SYT17: variants seen among roughly 807,000 people sequenced by gnomAD.
The protein encoded by SYT17 is synaptotagmin-17.
A neutral mutation model predicts 46.7 loss-of-function variants in SYT17; 22 were observed. That is an observed-to-expected ratio of 0.47 (90% CI 0.34 to 0.67). The LOEUF (loss-of-function observed/expected upper bound fraction) is 0.67, where lower values mean the gene tolerates loss of function less well. Ranked by LOEUF, SYT17 falls within the 30% of genes least tolerant of loss-of-function variation. The pLI, the probability that SYT17 is intolerant of heterozygous loss-of-function variation, is 0.01. For synonymous variants in SYT17, 251 were observed against 248.4 expected (o/e 1.01, Z -0.10); for missense variants, 519 against 612.8 (o/e 0.85, Z 1.62).
intron 4 of SYT17, among the ~76,000 whole-genome samples, chr16:19,182,308 G>C (rs1039945685): frequency 2.0e-5 from 3 of 152,048 alleles, no homozygotes; most frequent in Non-Finnish European, 4.4e-5. Context: ...CCAGCTACTT[G>C]AGAGGCTGAG....
chr16:19,245,450 G>T (rs1175706403), intron 7 of SYT17, among the ~76,000 whole-genome samples: 1 of 152,162 alleles, frequency 6.6e-6, no homozygotes, highest in East Asian at 1.9e-4. Context: ...TTGGGGTGAG[G>T]TGGTGATCTC....
At chr16:19,224,942 G>T (rs1966450861) in intron 7 of SYT17, 104 bp downstream of exon 7, 3 of 1,349,136 alleles carry the variant, frequency 2.2e-6, no homozygotes, top group Non-Finnish European at 3.1e-6. Context: ...AGAACGTAAT[G>T]TCTGGCATTC....
chr16:19,241,283 G>C lies in SYT17; in HGVS notation c.1228+16445G>C, dbSNP rs187725449. On this transcript the variant is annotated intron_variant, in intron 7 of 7. Transcript: ENST00000355377. Reference sequence around the variant, plus strand: ...GTTCTGACTTTGCTCCGAGTTAGGAGTGGGTGCTGAAAGCAGGGAGGAGCC... The same window carrying C: ...GTTCTGACTTTGCTCCGAGTTAGGACTGGGTGCTGAAAGCAGGGAGGAGCC... Among the ~76,000 whole-genome samples the C allele has an allele frequency of 6.9e-3, 1,050 of 152,166 alleles. 15 individuals carry two copies. Among genetic ancestry groups the C allele is most frequent in the African/African-American group, 0.023 (944 of 41,534 alleles).
chr16:19,218,031 T>C (rs959600759), intron 5 of SYT17, among the ~76,000 whole-genome samples: 1 of 152,244 alleles, frequency 6.6e-6, no homozygotes, highest in Non-Finnish European at 1.5e-5. Flanking sequence ...GTTTATGATA[T>C]ATGATCTGGA....
chr16:19,221,984 A>G (rs1240239663), intron 5 of SYT17, among the ~76,000 whole-genome samples: 1 of 152,166 alleles, frequency 6.6e-6, no homozygotes, highest in Non-Finnish European at 1.5e-5. Flanking sequence ...TTGAAGCTGA[A>G]TGATGTTTGG....
At chr16:19,238,799 G>T (rs1966889429) in intron 7 of SYT17, among the ~76,000 whole-genome samples, 1 of 152,160 alleles carries the variant, frequency 6.6e-6, no homozygotes, top group African/African-American at 2.4e-5. Flanking sequence ...GTGCCTCGGT[G>T]GTGGCAAGAT....
intron 7 of SYT17, among the ~76,000 whole-genome samples, chr16:19,265,879 G>A (rs1969322293): frequency 6.6e-6 from 1 of 152,228 alleles, no homozygotes; most frequent in Admixed American, 6.5e-5. Context: ...AGCACAACAA[G>A]GGGTGGAAGA....
At position 19,202,913 on chromosome 16, in the gene SYT17, A is replaced by C. The variant is rs187117042; in HGVS notation, c.951+18766A>C. On this transcript the variant is annotated intron_variant, in intron 5 of 7. Transcript: ENST00000355377. Reference sequence around the variant, plus strand: ...GCTAATTTTTTTCTATTTTTTGTAGAGATGGGGTTGCCCAGGCTGATCTCA... The same window carrying C: ...GCTAATTTTTTTCTATTTTTTGTAGCGATGGGGTTGCCCAGGCTGATCTCA... Among the ~76,000 whole-genome samples the C allele has an allele frequency of 4.8e-3, 724 of 152,232 alleles. 6 individuals carry two copies. The highest frequency in any genetic ancestry group is 0.016 in the African/African-American group (678 of 41,536).
At chr16:19,207,942 T>A (rs1028502430) in intron 5 of SYT17, among the ~76,000 whole-genome samples, 2 of 152,028 alleles carry the variant, frequency 1.3e-5, no homozygotes, top group African/African-American at 4.8e-5. Flanking sequence ...AAATGGAGCC[T>A]TACCTCATAA....
intron 7 of SYT17, among the ~76,000 whole-genome samples, chr16:19,247,490 A>T (rs1347371460): frequency 6.6e-6 from 1 of 152,196 alleles, no homozygotes; most frequent in Admixed American, 6.5e-5. Context: ...CGGCCTCCCA[A>T]GGTGCTGCTG....
chr16:19,180,768 ATTAATT>A (rs748783557), intron 4 of SYT17, among the ~76,000 whole-genome samples: 6 of 152,148 alleles, frequency 3.9e-5, no homozygotes, highest in Non-Finnish European at 8.8e-5. Flanking sequence ...TTTTTGCTTT[ATTAATT>A]TTAAGTTTGA....
intron 7 of SYT17, among the ~76,000 whole-genome samples, chr16:19,249,197 C>A (rs1385125063): frequency 6.6e-6 from 1 of 152,024 alleles, no homozygotes; most frequent in Non-Finnish European, 1.5e-5. Context: ...TGGTGTGAAC[C>A]CAGAAGGCGG....
chr16:19,185,977 C>T (rs925520667), intron 5 of SYT17, among the ~76,000 whole-genome samples: 11 of 152,212 alleles, frequency 7.2e-5, no homozygotes, highest in African/African-American at 1.7e-4. Context: ...AGCCTTCTTG[C>T]GGTAGAGGAG....
At chr16:19,249,958 C>T (rs761229868) in intron 7 of SYT17, 37 of 1,535,860 alleles carry the variant, frequency 2.4e-5, no homozygotes, top group Non-Finnish European at 2.7e-5. Context: ...CAGCCCCATA[C>T]CAGCCTGCGA....
intron 7 of SYT17, among the ~76,000 whole-genome samples, chr16:19,245,008 G>A (rs1967429995): frequency 6.6e-6 from 1 of 152,170 alleles, no homozygotes; most frequent in South Asian, 2.1e-4. Context: ...AAATAGAAGA[G>A]CCAGTCCATG....
chr16:19,251,192 A>G (rs1429870405), intron 7 of SYT17, among the ~76,000 whole-genome samples: 1 of 152,198 alleles, frequency 6.6e-6, no homozygotes, highest in Non-Finnish European at 1.5e-5. Context: ...GCATATGCCA[A>G]GAGCTGAGGT....
At chr16:19,206,318 A>G (rs1183067600) in intron 5 of SYT17, among the ~76,000 whole-genome samples, 6 of 152,186 alleles carry the variant, frequency 3.9e-5, no homozygotes, top group Non-Finnish European at 8.8e-5. Context: ...CTTCTCCACT[A>G]GAACTTCATG....
chr16:19,226,051 C>A lies in SYT17; in HGVS notation c.1228+1213C>A, dbSNP rs1966485524. On this transcript the variant is annotated intron_variant, in intron 7 of 7. Transcript: ENST00000355377. The stretch of plus-strand genomic sequence containing the variant: ...TTAGTAGGAGTAATGGTTATTCTTT[C>A]TTGTGTTCTAATTACAGTATGTACT... Among the ~76,000 whole-genome samples, 4 of 152,246 alleles carry A rather than the reference C, an allele frequency of 2.6e-5. No individual in the cohort carries two copies. In the South Asian group the frequency reaches 8.3e-4, roughly 32 times the overall value.
In SYT17 at chr16:19,173,413, T is replaced by G; in HGVS notation, c.34-17T>G. The G allele has an allele frequency of 1.8e-5, 3 of 165,618 alleles. No individual in the cohort carries two copies. Among genetic ancestry groups the G allele is most frequent in the South Asian group, 6.3e-5 (1 of 15,964 alleles). 10.3% of individuals were successfully genotyped at this position (165,618 alleles called of 1,614,324 possible). A position where few individuals can be genotyped will look rare whatever the true frequency, so the allele number is the denominator to read the frequency against. On this transcript the variant is annotated splice_polypyrimidine_tract_variant and intron_variant, in intron 2 of 7. Coordinates refer to ENST00000355377, the MANE Select transcript of SYT17 (RefSeq NM_016524.4). Reference sequence around the variant, plus strand: ...CCTCTCCCCCATCCCCCCGCCCACCTCCCCCAATGGCCTCAGGGTTTTCTT... The same window carrying G: ...CCTCTCCCCCATCCCCCCGCCCACCGCCCCCAATGGCCTCAGGGTTTTCTT...
Sources: allele counts gnomAD v4.1 joint callset (sites outside exome capture counted in the v4.1 genomes callset), GRCh38; gene constraint gnomAD v4.1.1; transcripts MANE v1.5; gene names NCBI Gene and HGNC (gene_info 2026-07-23, HGNC 2026-07-21).